RPA1: variants seen among roughly 807,000 people sequenced by gnomAD.
RPA1 encodes replication protein A 70 kDa DNA-binding subunit.
Under a neutral mutation model 83.0 loss-of-function variants are expected in RPA1, and 49 were observed. That is an observed-to-expected ratio of 0.59 (90% CI 0.47 to 0.75). The LOEUF is 0.75. RPA1 is among the 30% of genes least tolerant of loss of function. The pLI is 0.00. For missense variants in RPA1, 693 were observed against 776.1 expected (o/e 0.89, Z 1.27); for synonymous variants, 279 against 281.8 (o/e 0.99, Z 0.10).
intron 1 of RPA1, among the ~76,000 whole-genome samples, chr17:1,841,670 G>A (rs550574205): frequency 6.6e-6 from 1 of 152,154 alleles, no homozygotes; most frequent in South Asian, 2.1e-4. Flanking sequence ...ATACCACATT[G>A]AATAAAGGTG....
intron 5 of RPA1, among the ~76,000 whole-genome samples, chr17:1,871,621 A>G (rs932975916): frequency 4.6e-5 from 7 of 152,204 alleles, no homozygotes; most frequent in Non-Finnish European, 1.0e-4. Flanking sequence ...CAAATTCCAT[A>G]AATCTGTTAT....
In RPA1 at chr17:1,843,795, G is replaced by A. The variant is rs1331890630; in HGVS notation, c.85-125G>A. ...AGTTTTCTTTTACTTGGATTTAAGT[G>A]TCAAGAGAATGGGCAAACAGTTTGT... is the stretch of plus-strand genomic sequence containing the variant. On this transcript the variant is annotated intron_variant, in intron 2 of 16. Coordinates refer to ENST00000254719, the MANE Select transcript of RPA1 (RefSeq NM_002945.5). The A allele has an allele frequency of 4.5e-6, 3 of 666,242 alleles. No individual in the cohort carries two copies. In the African/African-American group the frequency reaches 5.4e-5, roughly 12 times the overall value. 41.3% of individuals were successfully genotyped at this position (666,242 alleles called of 1,614,324 possible). A position where few individuals can be genotyped will look rare whatever the true frequency, so the allele number is the denominator to read the frequency against.
intron 4 of RPA1, among the ~76,000 whole-genome samples, chr17:1,849,513 C>T (rs1359427557): frequency 2.0e-5 from 3 of 151,712 alleles, no homozygotes; most frequent in African/African-American, 4.8e-5. Flanking sequence ...AGGATGATCT[C>T]GATCTCCTGA....
In RPA1 at chr17:1,840,023, C is replaced by A. The variant is rs79644716; in HGVS notation, c.34-2780C>A. 2.6e-5 allele frequency among the ~76,000 whole-genome samples: 4 copies of A among 151,926 alleles called. No individual in the cohort carries two copies. In the South Asian group the frequency reaches 8.3e-4, roughly 32 times the overall value. On this transcript the variant is annotated intron_variant, in intron 1 of 16. Coordinates refer to ENST00000254719, the MANE Select transcript of RPA1 (RefSeq NM_002945.5). Reference sequence around the variant, plus strand: ...GGCCAGGTTGGTCTCGAACTCCTGACCTCAAGCGATCCTCCTGTCTCAGCC... The same window carrying A: ...GGCCAGGTTGGTCTCGAACTCCTGAACTCAAGCGATCCTCCTGTCTCAGCC...
chr17:1,888,805 A>T lies in RPA1; in HGVS notation c.1505A>T (p.Lys502Met), dbSNP rs1351400065. The change falls in exon 14 of 17, where the codon AAG becomes ATG. Residue 502 changes from lysine (K) to methionine (M), a missense_variant. By Grantham distance (95) the Lys-to-Met change is moderately conservative. Coordinates refer to ENST00000254719, the MANE Select transcript of RPA1 (RefSeq NM_002945.5). Reference protein sequence around the residue: ...DQQNGLYRCEKCDTEFPNFKY... With the variant: ...DQQNGLYRCEMCDTEFPNFKY... ...CAGAATGGATTGTACCGCTGTGAGA[A>T]GTGCGACACCGAATTTCCCAATTTC... The T allele has an allele frequency of 6.2e-7, 1 of 1,614,070 alleles. No homozygotes were observed. Among genetic ancestry groups the T allele is most frequent in the Non-Finnish European group, 8.5e-7 (1 of 1,179,916 alleles).
At chr17:1,885,035 C>G (rs1373378276) in intron 13 of RPA1, among the ~76,000 whole-genome samples, 1 of 152,192 alleles carries the variant, frequency 6.6e-6, no homozygotes, top group Admixed American at 6.5e-5. Flanking sequence ...TTCACAAAAG[C>G]TTTCTCCATA....
intron 4 of RPA1, among the ~76,000 whole-genome samples, chr17:1,849,411 G>C (rs1394983940): frequency 6.7e-6 from 1 of 149,438 alleles, no homozygotes. Flanking sequence ...TCCTGCCTCA[G>C]CCTCCCCAGT....
intron 14 of RPA1, among the ~76,000 whole-genome samples, chr17:1,890,914 T>C (rs3826538): frequency 0.85 from 129,884 of 152,174 alleles, 56,054 homozygotes; most frequent in Non-Finnish European, 0.93. Flanking sequence ...TGTGATGAGA[T>C]GCTCTTTGCT....
intron 5 of RPA1, among the ~76,000 whole-genome samples, chr17:1,864,298 A>AG (rs1393557286): frequency 2.6e-5 from 4 of 152,242 alleles, no homozygotes; most frequent in Non-Finnish European, 5.9e-5. Flanking sequence ...GCACTTTGGG[A>AG]GGCTGAGGTG....
intron 5 of RPA1, among the ~76,000 whole-genome samples, chr17:1,863,075 G>GTGC (rs945310233): frequency 1.3e-5 from 2 of 151,938 alleles, no homozygotes; most frequent in African/African-American, 4.8e-5. Flanking sequence ...CCAGGCTGGA[G>GTGC]TGCAGTGGCT....
At chr17:1,879,777 C>A in intron 11 of RPA1, 78 bp downstream of exon 11, 1 of 1,563,638 alleles carries the variant, frequency 6.4e-7, no homozygotes, top group Non-Finnish European at 8.8e-7. Context: ...TAGGATGGGG[C>A]CTTCAGCACA....
chr17:1,881,597 T>C (rs1913800575), intron 12 of RPA1, among the ~76,000 whole-genome samples: 1 of 152,340 alleles, frequency 6.6e-6, no homozygotes, highest in South Asian at 2.1e-4. Flanking sequence ...TTTGCTTTTT[T>C]CTTATTGCTT....
chr17:1,834,121 A>G (rs1428831338), intron 1 of RPA1, among the ~76,000 whole-genome samples: 2 of 152,242 alleles, frequency 1.3e-5, no homozygotes, highest in Non-Finnish European at 2.9e-5. Context: ...CAGAGGTTGC[A>G]GTGAGCCGAG....
At chr17:1,835,655 T>C (rs1251684722) in intron 1 of RPA1, among the ~76,000 whole-genome samples, 1 of 152,204 alleles carries the variant, frequency 6.6e-6, no homozygotes, top group Non-Finnish European at 1.5e-5. Context: ...CTTATCCTTC[T>C]TAGTACCTCA....
At chr17:1,863,856 C>T (rs1399997519) in intron 5 of RPA1, among the ~76,000 whole-genome samples, 1 of 152,032 alleles carries the variant, frequency 6.6e-6, no homozygotes, top group Non-Finnish European at 1.5e-5. Context: ...AATCTGAAGT[C>T]ACTAAGAGAT....
chr17:1,852,452 G>T (rs1056408110), intron 4 of RPA1, among the ~76,000 whole-genome samples: 1 of 152,140 alleles, frequency 6.6e-6, no homozygotes, highest in Non-Finnish European at 1.5e-5. Context: ...ACACAACACC[G>T]CAATCTCAGA....
At position 1,882,848 on chromosome 17, in the gene RPA1, T is replaced by C. The variant is rs570865209; in HGVS notation, c.1242-964T>C. Among the ~76,000 whole-genome samples, 7 of 152,336 alleles carry C rather than the reference T, an allele frequency of 4.6e-5. No homozygotes were observed. The South Asian group carries it at 1.4e-3, about 32-fold the overall frequency. ...AAAGGACTACCCCAGACGGCCACTT[T>C]ATAGCTTACGGGTTGTTGACTTTCC... is the stretch of plus-strand genomic sequence containing the variant. On this transcript the variant is annotated intron_variant, in intron 12 of 16. Coordinates refer to ENST00000254719, the MANE Select transcript of RPA1 (RefSeq NM_002945.5).
chr17:1,882,290 A>G (rs753862377), intron 12 of RPA1, among the ~76,000 whole-genome samples: 1 of 152,202 alleles, frequency 6.6e-6, no homozygotes, highest in Non-Finnish European at 1.5e-5. Context: ...GATATTAGCA[A>G]AAGTAAAATT....
chr17:1,880,990 G>A lies in RPA1; in HGVS notation c.1241+299G>A, dbSNP rs568780276. Among the ~76,000 whole-genome samples, 310 of 152,346 alleles carry A rather than the reference G, an allele frequency of 2.0e-3. 1 individual carries two copies. The highest frequency in any genetic ancestry group is 3.3e-3 in the Non-Finnish European group (223 of 68,032). ...GGCCAGGCTTCAGCAGCGGTGTGCT[G>A]AAGGCGCCTTTCTTTCCAGGGTTTA... is the stretch of plus-strand genomic sequence containing the variant. On this transcript the variant is annotated intron_variant, in intron 12 of 16. Transcript: ENST00000254719.
Sources: allele counts gnomAD v4.1 joint callset (sites outside exome capture counted in the v4.1 genomes callset), GRCh38; gene constraint gnomAD v4.1.1; transcripts MANE v1.5; gene names NCBI Gene and HGNC (gene_info 2026-07-23, HGNC 2026-07-21).